OPA3: variants seen among roughly 807,000 people sequenced by gnomAD.
OPA3 encodes the protein outer mitochondrial membrane lipid metabolism regulator OPA3.
Under a neutral mutation model 4.0 loss-of-function variants are expected in OPA3, and 6 were observed. The observed-to-expected ratio is 1.51, with a 90% CI of 0.83 to 2.99. The LOEUF (loss-of-function observed/expected upper bound fraction) is 2.99. Among genes scored for constraint, OPA3 ranks in the 30% most tolerant of loss-of-function variants. The probability of loss-of-function intolerance (pLI) is 0.00; values close to 1 mark genes in which losing one functional copy is unlikely to be tolerated. For synonymous variants in OPA3, 105 were observed against 117.1 expected (o/e 0.90, Z 0.67); for missense variants, 235 against 256.2 (o/e 0.92, Z 0.56).
chr19:45,540,566 G>GA (rs11290497), intron 1 of OPA3, among the ~76,000 whole-genome samples: 241 of 100,780 alleles, frequency 2.4e-3, no homozygotes, highest in East Asian at 0.014. Flanking sequence ...GTCTCAGAAA[G>GA]AAAAAAAAAA....
At chr19:45,545,710 C>CTTT (rs991429583), downstream of OPA3, among the ~76,000 whole-genome samples, 10 of 129,522 alleles carry the variant, frequency 7.7e-5, no homozygotes, top group African/African-American at 1.7e-4. Context: ...ACATGCTTTT[C>CTTT]TTTTTTTTTT....
At position 45,546,496 on chromosome 19, in the gene OPA3, C is replaced by A; in HGVS notation, c.*7018G>T. On this transcript the variant is annotated 3_prime_UTR_variant, in exon 2 of 2. Transcript: ENST00000263275. Reference sequence around the variant, plus strand: ...ATGCACACGATGGATTACATAAACTCTGCTTTTTTTTTTTTTTGAGACAGG... The same window carrying A: ...ATGCACACGATGGATTACATAAACTATGCTTTTTTTTTTTTTTGAGACAGG... 5.1e-6 allele frequency: 3 copies of A among 593,518 alleles called. No individual in the cohort carries two copies. The highest frequency in any genetic ancestry group is 6.3e-6 in the Non-Finnish European group (3 of 473,832). 36.8% of individuals were successfully genotyped at this position (593,518 alleles called of 1,614,324 possible).
chr19:45,537,166 T>C (rs1969127327), intron 1 of OPA3, among the ~76,000 whole-genome samples: 1 of 151,726 alleles, frequency 6.6e-6, no homozygotes, highest in East Asian at 1.9e-4. Flanking sequence ...GCCATGTTGG[T>C]CAGGCTTGTC....
At chr19:45,578,310 T>A (rs993710082) in intron 1 of OPA3, among the ~76,000 whole-genome samples, 3 of 152,158 alleles carry the variant, frequency 2.0e-5, no homozygotes, top group Admixed American at 6.6e-5. Flanking sequence ...GCTCCTAAGA[T>A]CAGTGCTTGA....
intron 1 of OPA3, among the ~76,000 whole-genome samples, chr19:45,577,077 G>A (rs545592805): frequency 6.6e-6 from 1 of 152,314 alleles, no homozygotes; most frequent in South Asian, 2.1e-4. Flanking sequence ...TTGCAGGCAT[G>A]GCCTCAACCT....
chr19:45,529,822 C>T (rs1446153137), intron 1 of OPA3, among the ~76,000 whole-genome samples: 1 of 152,184 alleles, frequency 6.6e-6, no homozygotes, highest in African/African-American at 2.4e-5. Context: ...CCTCGAACTC[C>T]TGGGCTCAAG....
chr19:45,530,515 GTTT>G (rs150103058), intron 1 of OPA3, among the ~76,000 whole-genome samples: 1 of 150,406 alleles, frequency 6.6e-6, no homozygotes, highest in South Asian at 2.1e-4. Flanking sequence ...TGTATGTATG[GTTT>G]TTTTTTATTG....
At chr19:45,528,165 G>A (rs1055733582) in exon 2 of OPA3, 1 of 152,522 alleles carries the variant, frequency 6.6e-6, no homozygotes. Context: ...GTAGCAGTAG[G>A]TCCAGGACTG....
chr19:45,555,657 A>G (rs1014979085), intron 1 of OPA3, among the ~76,000 whole-genome samples: 1 of 151,938 alleles, frequency 6.6e-6, no homozygotes, highest in Non-Finnish European at 1.5e-5. Flanking sequence ...CGCCCAGCTA[A>G]TTTTTTTATA....
chr19:45,556,695 G>C (rs1355060681), intron 1 of OPA3, among the ~76,000 whole-genome samples: 1 of 152,206 alleles, frequency 6.6e-6, no homozygotes, highest in Admixed American at 6.5e-5. Flanking sequence ...TGGGGTGGCA[G>C]GAAGGCTTGG....
intron 1 of OPA3, among the ~76,000 whole-genome samples, chr19:45,556,559 T>C (rs1969424225): frequency 6.6e-6 from 1 of 152,054 alleles, no homozygotes; most frequent in Admixed American, 6.6e-5. Context: ...GGTCTTGCTA[T>C]GTTGCCAAAG....
At chr19:45,541,548 A>C (rs1969185491), downstream of OPA3, among the ~76,000 whole-genome samples, 1 of 152,116 alleles carries the variant, frequency 6.6e-6, no homozygotes, top group African/African-American at 2.4e-5. Flanking sequence ...TCTACTAAAA[A>C]ATAAAACAAA....
At chr19:45,543,797 T>G (rs73942917), downstream of OPA3, among the ~76,000 whole-genome samples, 24,712 of 152,044 alleles carry the variant, frequency 0.16, 2,251 homozygotes, top group Non-Finnish European at 0.2. Context: ...AGAAGTAAAC[T>G]CGTTCACTCA....
chr19:45,547,988 C>G lies in OPA3; in HGVS notation c.*5526G>C, dbSNP rs936009312. 19 of 473,934 alleles carry G rather than the reference C, an allele frequency of 4.0e-5. No individual in the cohort carries two copies. The highest frequency in any genetic ancestry group is 6.4e-5 in the Admixed American group (1 of 15,604). 29.4% of individuals were successfully genotyped at this position (473,934 alleles called of 1,614,324 possible). A position where few individuals can be genotyped will look rare whatever the true frequency, so the allele number is the denominator to read the frequency against. On this transcript the variant is annotated 3_prime_UTR_variant, in exon 2 of 2. Transcript: ENST00000263275. ...CTGAGATTACAGGTGTGAGCCACCA[C>G]GCCTGGCCACTCTTTCCTTCTTTAT...
chr19:45,545,495 CA>C (rs1038795693), downstream of OPA3, among the ~76,000 whole-genome samples: 1 of 151,966 alleles, frequency 6.6e-6, no homozygotes, highest in Admixed American at 6.6e-5. Flanking sequence ...TGCACCACCG[CA>C]CTCCAGCCTG....
intron 1 of OPA3, among the ~76,000 whole-genome samples, chr19:45,577,977 C>T (rs371813139): frequency 1.3e-5 from 2 of 152,204 alleles, no homozygotes; most frequent in South Asian, 2.1e-4. Context: ...TGAGGCCAGG[C>T]GTGGTGGCTC....
intron 1 of OPA3, among the ~76,000 whole-genome samples, chr19:45,577,897 G>T (rs1210493552): frequency 1.3e-5 from 2 of 152,188 alleles, no homozygotes; most frequent in African/African-American, 4.8e-5. Context: ...AACAAGGGCA[G>T]GGATACTATT....
intron 1 of OPA3, among the ~76,000 whole-genome samples, chr19:45,555,278 A>C (rs1969403926): frequency 2.6e-5 from 4 of 152,194 alleles, no homozygotes; most frequent in African/African-American, 7.2e-5. Context: ...GTAAATACAA[A>C]AGTACATGAA....
intron 1 of OPA3, among the ~76,000 whole-genome samples, chr19:45,537,478 T>C (rs1969134936): frequency 7.1e-6 from 1 of 141,104 alleles, no homozygotes; most frequent in Non-Finnish European, 1.5e-5. Context: ...AAAAGGCAAA[T>C]CATAGACTGG....
Sources: gnomAD v4.1 joint callset for allele counts (sites outside exome capture counted in the v4.1 genomes callset) on GRCh38, gnomAD v4.1.1 for gene constraint, MANE v1.5 for transcripts, NCBI Gene and HGNC (gene_info 2026-07-23, HGNC 2026-07-21) for gene names.